Variants in GALNTL6 observed in about 807,000 individuals in gnomAD.
GALNTL6 encodes polypeptide N-acetylgalactosaminyltransferase-like 6.
A neutral mutation model predicts 73.7 loss-of-function variants in GALNTL6; 46 were observed. The observed-to-expected ratio is 0.62, with a 90% CI of 0.49 to 0.80. GALNTL6 has a LOEUF of 0.80. Ranked by LOEUF, GALNTL6 falls within the 30% of genes least tolerant of loss-of-function variation. The probability of loss-of-function intolerance (pLI) is 0.00; values close to 1 mark genes in which losing one functional copy is unlikely to be tolerated. For missense variants in GALNTL6, 604 were observed against 755.0 expected (o/e 0.80, Z 2.34); for synonymous variants, 259 against 263.7 (o/e 0.98, Z 0.17).
intron 5 of GALNTL6, among the ~76,000 whole-genome samples, chr4:172,665,996 T>C (rs1015093141): frequency 6.6e-6 from 1 of 152,194 alleles, no homozygotes; most frequent in African/African-American, 2.4e-5. Flanking sequence ...TTTATTTTGC[T>C]GATCTGGAAT....
At chr4:172,622,735 A>G (rs1039251560) in intron 5 of GALNTL6, among the ~76,000 whole-genome samples, 1 of 152,156 alleles carries the variant, frequency 6.6e-6, no homozygotes, top group African/African-American at 2.4e-5. Context: ...GCATGAAAAG[A>G]TGTGTCCAGA....
At chr4:172,065,910 G>A (rs1219698152) in intron 2 of GALNTL6, among the ~76,000 whole-genome samples, 1 of 152,116 alleles carries the variant, frequency 6.6e-6, no homozygotes, top group Non-Finnish European at 1.5e-5. Flanking sequence ...AGAACAGCAT[G>A]GGGGAACCTC....
intron 5 of GALNTL6, among the ~76,000 whole-genome samples, chr4:172,481,527 C>T (rs1181008122): frequency 6.6e-6 from 1 of 152,006 alleles, no homozygotes; most frequent in East Asian, 1.9e-4. Flanking sequence ...GTCCATTTTA[C>T]AGAGAGCTGA....
chr4:172,379,343 A>G (rs1254766060), intron 5 of GALNTL6, among the ~76,000 whole-genome samples: 6 of 152,020 alleles, frequency 3.9e-5, no homozygotes, highest in Non-Finnish European at 1.5e-5. Flanking sequence ...ATCCTGGCTA[A>G]CAAGGTGAAA....
chr4:172,359,038 C>T (rs1273101846), intron 5 of GALNTL6, among the ~76,000 whole-genome samples: 3 of 152,136 alleles, frequency 2.0e-5, no homozygotes, highest in South Asian at 2.1e-4. Flanking sequence ...TGGGTATGTA[C>T]CCAAAGGAAT....
intron 2 of GALNTL6, among the ~76,000 whole-genome samples, chr4:172,218,264 A>G (rs1450243151): frequency 6.6e-6 from 1 of 152,126 alleles, no homozygotes; most frequent in African/African-American, 2.4e-5. Flanking sequence ...ATAAGACTCT[A>G]GTAAAGTCTT....
intron 2 of GALNTL6, among the ~76,000 whole-genome samples, chr4:172,101,561 A>G (rs1291155110): frequency 6.6e-6 from 1 of 152,212 alleles, no homozygotes; most frequent in Non-Finnish European, 1.5e-5. Context: ...AATTGCAGAC[A>G]TGCCATTCAA....
At chr4:172,740,287 G>C (rs1736722830) in intron 5 of GALNTL6, among the ~76,000 whole-genome samples, 1 of 152,184 alleles carries the variant, frequency 6.6e-6, no homozygotes, top group Non-Finnish European at 1.5e-5. Context: ...ACATTAATCT[G>C]TGGCACAGAA....
chr4:172,612,136 A>G (rs1331120520), intron 5 of GALNTL6, among the ~76,000 whole-genome samples: 1 of 152,110 alleles, frequency 6.6e-6, no homozygotes. Context: ...ATAGTCTCTC[A>G]TGAATGATGG....
chr4:172,502,989 C>T (rs530898193), intron 5 of GALNTL6, among the ~76,000 whole-genome samples: 15 of 152,208 alleles, frequency 9.9e-5, no homozygotes, highest in South Asian at 4.1e-4. Context: ...TCTCGGATAA[C>T]GTTTAAATGC....
intron 2 of GALNTL6, among the ~76,000 whole-genome samples, chr4:171,841,661 A>G (rs1465841105): frequency 6.6e-6 from 1 of 152,076 alleles, no homozygotes; most frequent in Non-Finnish European, 1.5e-5. Context: ...TGATATAAGC[A>G]GTAGTAATTT....
chr4:172,648,452 C>T (rs1206520060), intron 5 of GALNTL6, among the ~76,000 whole-genome samples: 1 of 152,106 alleles, frequency 6.6e-6, no homozygotes, highest in Admixed American at 6.6e-5. Context: ...AGATGTTACA[C>T]AATTTACTTT....
intron 9 of GALNTL6, among the ~76,000 whole-genome samples, chr4:172,942,550 C>T (rs537198505): frequency 6.0e-4 from 91 of 152,216 alleles, no homozygotes; most frequent in African/African-American, 2.2e-3. Context: ...GCTTGATTAC[C>T]AGGAAGAACA....
chr4:172,617,403 CA>C (rs34182269), intron 5 of GALNTL6, among the ~76,000 whole-genome samples: 53,013 of 116,812 alleles, frequency 0.45, 10,684 homozygotes, highest in African/African-American at 0.59. Context: ...GAAAGACACT[CA>C]AAAAAAAAAA....
intron 5 of GALNTL6, among the ~76,000 whole-genome samples, chr4:172,710,543 CT>C (rs1345499188): frequency 6.6e-6 from 1 of 152,050 alleles, no homozygotes; most frequent in Non-Finnish European, 1.5e-5. Context: ...TTATGGAAAC[CT>C]CAAGCTATTT....
intron 5 of GALNTL6, among the ~76,000 whole-genome samples, chr4:172,704,768 G>C (rs573221086): frequency 6.6e-6 from 1 of 151,988 alleles, no homozygotes; most frequent in South Asian, 2.1e-4. Context: ...TGGATGATCT[G>C]TCTTGCTAAA....
chr4:172,062,013 A>T (rs1318793128), intron 2 of GALNTL6, among the ~76,000 whole-genome samples: 5 of 143,160 alleles, frequency 3.5e-5, no homozygotes, highest in Admixed American at 2.2e-4. Flanking sequence ...CAATGGCACG[A>T]TCTTGGCTCA....
chr4:172,909,307 TAA>T (rs1185367298), intron 8 of GALNTL6, among the ~76,000 whole-genome samples: 3 of 138,902 alleles, frequency 2.2e-5, no homozygotes, highest in African/African-American at 2.6e-5. Flanking sequence ...AAGTGTGTTT[TAA>T]AAAAAAAAAA....
At chr4:172,221,604 T>C (rs1736677952) in intron 2 of GALNTL6, among the ~76,000 whole-genome samples, 1 of 151,746 alleles carries the variant, frequency 6.6e-6, no homozygotes, top group African/African-American at 2.4e-5. Flanking sequence ...ACAAAGAGAA[T>C]ACTTTGAGAA....
Sources: allele counts gnomAD v4.1 joint callset (sites outside exome capture counted in the v4.1 genomes callset), GRCh38; gene constraint gnomAD v4.1.1; transcripts MANE v1.5; gene names NCBI Gene and HGNC (gene_info 2026-07-23, HGNC 2026-07-21).